ALCAM: variants seen among roughly 807,000 people sequenced by gnomAD.
ALCAM encodes CD166 antigen.
In ALCAM, 30 loss-of-function variants were observed where a neutral mutation model predicts 70.9. That is an observed-to-expected ratio of 0.42 (90% CI 0.32 to 0.57). The LOEUF is 0.57. Ranked by LOEUF, ALCAM falls within the 20% of genes least tolerant of loss-of-function variation. ALCAM has a pLI of 0.11. For synonymous variants in ALCAM, 249 were observed against 242.5 expected (o/e 1.03, Z -0.25); for missense variants, 591 against 695.1 (o/e 0.85, Z 1.68).
rs1940961331 is a variant in ALCAM at position 105,576,223 on chromosome 3, AGG to A, written c.*1775_*1776del. 1 of 152,594 alleles carries A rather than the reference AGG, an allele frequency of 6.6e-6. No individual in the cohort carries two copies. Among genetic ancestry groups the A allele is most frequent in the Admixed American group, 6.5e-5 (1 of 15,272 alleles). 9.5% of individuals were successfully genotyped at this position (152,594 alleles called of 1,614,324 possible). On this transcript the variant is annotated 3_prime_UTR_variant, in exon 16 of 16. Coordinates refer to ENST00000306107, the MANE Select transcript of ALCAM (RefSeq NM_001627.4). ...TGGTCAACATTTAAACCAAAGTAAAAGGGGAAAAACCAAAGTTATTTGTTTTG... is the reference window on the plus strand; with the variant it reads ...TGGTCAACATTTAAACCAAAGTAAAAGGAAAAACCAAAGTTATTTGTTTTG...
At chr3:105,506,595 C>T (rs1445381266) in intron 1 of ALCAM, among the ~76,000 whole-genome samples, 2 of 152,092 alleles carry the variant, frequency 1.3e-5, no homozygotes, top group Non-Finnish European at 2.9e-5. Flanking sequence ...TGAGTAGGAA[C>T]AGTGAACTTT....
chr3:105,542,668 A>G (rs1309530871), intron 8 of ALCAM, among the ~76,000 whole-genome samples: 1 of 151,868 alleles, frequency 6.6e-6, no homozygotes, highest in Non-Finnish European at 1.5e-5. Flanking sequence ...TCTTGAGTAC[A>G]TAGTTCTAAC....
At chr3:105,456,947 C>T (rs970394399) in intron 1 of ALCAM, among the ~76,000 whole-genome samples, 2 of 152,132 alleles carry the variant, frequency 1.3e-5, no homozygotes, top group African/African-American at 4.8e-5. Context: ...TTTTATGTAG[C>T]ACATGCAAAG....
chr3:105,505,095 CTAAT>C (rs1321098439), intron 1 of ALCAM, among the ~76,000 whole-genome samples: 2 of 152,186 alleles, frequency 1.3e-5, no homozygotes, highest in Admixed American at 6.5e-5. Flanking sequence ...CACTCTGCTG[CTAAT>C]TATGTTTCAT....
chr3:105,371,548 G>A (rs1291948475), intron 1 of ALCAM, among the ~76,000 whole-genome samples: 8 of 140,682 alleles, frequency 5.7e-5, no homozygotes, highest in East Asian at 2.1e-4. Context: ...CTTTTTCTCC[G>A]TCAAATTTTC....
At chr3:105,568,065 T>TA (rs1940784357) in intron 14 of ALCAM, among the ~76,000 whole-genome samples, 1 of 66,654 alleles carries the variant, frequency 1.5e-5, no homozygotes, top group Non-Finnish European at 3.8e-5. Flanking sequence ...TTTATTTTAT[T>TA]TTTTTTTTTT....
chr3:105,552,980 C>A (rs1576238526), intron 14 of ALCAM: 1 of 1,016,480 alleles, frequency 9.8e-7, no homozygotes, highest in East Asian at 9.2e-5. Context: ...TTTGCAGTGA[C>A]ACATCTGGCC....
intron 1 of ALCAM, among the ~76,000 whole-genome samples, chr3:105,456,485 G>T (rs1937536799): frequency 6.6e-6 from 1 of 152,078 alleles, no homozygotes; most frequent in South Asian, 2.1e-4. Flanking sequence ...GTTTTTCTAT[G>T]TATTCCCAGA....
chr3:105,463,994 G>A (rs944850064), intron 1 of ALCAM, among the ~76,000 whole-genome samples: 1 of 151,316 alleles, frequency 6.6e-6, no homozygotes, highest in African/African-American at 2.4e-5. Flanking sequence ...ATAAGCTAAT[G>A]AAATATGCAA....
chr3:105,520,130 A>G lies in ALCAM; in HGVS notation c.137A>G (p.Asp46Gly). 3.7e-6 allele frequency: 6 copies of G among 1,613,200 alleles called. No homozygotes were observed. Among genetic ancestry groups the G allele is most frequent in the Non-Finnish European group, 4.2e-6 (5 of 1,179,426 alleles). The change falls in exon 2 of 16, where the codon GAC becomes GGC. Residue 46 changes from aspartate (D) to glycine (G), a missense_variant. Transcript: ENST00000306107. ...GDTIIIPCRL[D>G]VPQNLMFGKW... ...ACCATTATCATACCTTGCCGACTTG[A>G]CGTACCTCAGAATCTCATGTTTGGC...
At chr3:105,457,980 T>C (rs946018920) in intron 1 of ALCAM, among the ~76,000 whole-genome samples, 1 of 152,058 alleles carries the variant, frequency 6.6e-6, no homozygotes, top group Non-Finnish European at 1.5e-5. Flanking sequence ...AATGGAGCTT[T>C]CCAATGGAGC....
intron 1 of ALCAM, among the ~76,000 whole-genome samples, chr3:105,504,575 G>GGGCCT (rs1553729650): frequency 6.6e-6 from 1 of 151,768 alleles, no homozygotes; most frequent in Admixed American, 6.6e-5. Context: ...GCAAGCCCAC[G>GGGCCT]GCCTGCCGGC....
At chr3:105,433,582 A>C (rs1936984845) in intron 1 of ALCAM, among the ~76,000 whole-genome samples, 2 of 151,910 alleles carry the variant, frequency 1.3e-5, no homozygotes, top group African/African-American at 4.8e-5. Flanking sequence ...GAGGGATTGA[A>C]TCTACCAATT....
intron 11 of ALCAM, among the ~76,000 whole-genome samples, chr3:105,549,377 T>C (rs911289193): frequency 1.2e-4 from 18 of 151,448 alleles, no homozygotes; most frequent in African/African-American, 4.1e-4. Flanking sequence ...GCACTTACCA[T>C]GTAGTTGAGG....
chr3:105,441,226 CTT>C (rs1022445877), intron 1 of ALCAM, among the ~76,000 whole-genome samples: 1 of 144,358 alleles, frequency 6.9e-6, no homozygotes, highest in Non-Finnish European at 1.5e-5. Flanking sequence ...TTTACATTTT[CTT>C]TTTTTTTTTA....
chr3:105,556,109 G>C (rs966746468), intron 14 of ALCAM, among the ~76,000 whole-genome samples: 1 of 151,846 alleles, frequency 6.6e-6, no homozygotes, highest in Non-Finnish European at 1.5e-5. Context: ...TCCAAACATG[G>C]TTTTTAGTTC....
chr3:105,368,317 C>G (rs1327693483), intron 1 of ALCAM, among the ~76,000 whole-genome samples: 1 of 147,776 alleles, frequency 6.8e-6, no homozygotes, highest in African/African-American at 2.5e-5. Flanking sequence ...CCTTTCCACA[C>G]CCTCGGGGAC....
At chr3:105,371,099 A>G (rs1477965816) in intron 1 of ALCAM, among the ~76,000 whole-genome samples, 1 of 152,184 alleles carries the variant, frequency 6.6e-6, no homozygotes, top group African/African-American at 2.4e-5. Context: ...CTGACTTTGT[A>G]AAAAATTCAA....
chr3:105,430,129 A>C (rs1936891516), intron 1 of ALCAM, among the ~76,000 whole-genome samples: 1 of 152,046 alleles, frequency 6.6e-6, no homozygotes, highest in Non-Finnish European at 1.5e-5. Flanking sequence ...GAATATTTTT[A>C]AATGTATAGA....
Sources: allele counts gnomAD v4.1 joint callset (sites outside exome capture counted in the v4.1 genomes callset), GRCh38; gene constraint gnomAD v4.1.1; transcripts MANE v1.5; gene names NCBI Gene and HGNC (gene_info 2026-07-23, HGNC 2026-07-21).